The following CDC7 variants were observed in gnomAD, a reference collection of about 807,000 sequenced individuals.
The protein encoded by CDC7 is cell division cycle 7, also known as cell division cycle 7-related protein kinase.
Under a neutral mutation model 53.5 loss-of-function variants are expected in CDC7, and 34 were observed. The ratio of observed to expected loss-of-function variants is 0.64; its 90% CI spans 0.48 to 0.85. The LOEUF is 0.85. Among genes scored for constraint, CDC7 ranks in the 40% least tolerant of loss-of-function variants. The pLI is 0.00. For missense variants in CDC7, 594 were observed against 679.7 expected, an observed-to-expected ratio of 0.87 and a Z score of 1.40; for synonymous variants, 211 against 222.8, an observed-to-expected ratio of 0.95 and a Z score of 0.47.
chr1:91,501,059 C>G (rs1223142871), intron 1 of CDC7, 111 bp downstream of exon 1: 2 of 152,252 alleles, frequency 1.3e-5, no homozygotes, highest in African/African-American at 4.8e-5. Context: ...CGCCCCCCTT[C>G]GGATCCCTCC....
chr1:91,503,876 T>C (rs551413862), intron 2 of CDC7, among the ~76,000 whole-genome samples: 20 of 152,138 alleles, frequency 1.3e-4, no homozygotes, highest in Non-Finnish European at 2.5e-4. Flanking sequence ...TGGGATCTTA[T>C]TTCTGATCTC....
intron 10 of CDC7, among the ~76,000 whole-genome samples, chr1:91,516,130 G>T (rs1367920820): frequency 6.6e-6 from 1 of 151,040 alleles, no homozygotes; most frequent in Non-Finnish European, 1.5e-5. Flanking sequence ...TTATTTACAA[G>T]ATGATCTTAC....
At chr1:91,514,088 C>A in intron 8 of CDC7, 45 bp downstream of exon 8, 1 of 1,262,832 alleles carries the variant, frequency 7.9e-7, no homozygotes, top group Non-Finnish European at 1.1e-6. Flanking sequence ...CAGTCATACA[C>A]TGAAGAGAAT....
chr1:91,517,922 C>G (rs13447528), intron 10 of CDC7, among the ~76,000 whole-genome samples: 3,167 of 151,646 alleles, frequency 0.021, 43 homozygotes, highest in Non-Finnish European at 0.032. Flanking sequence ...ATGGCGAAAT[C>G]CCGTCTCTAC....
chr1:91,520,259 T>G lies in CDC7; in HGVS notation c.1310T>G (p.Ile437Ser). 6.2e-7 allele frequency: 1 copy of G among 1,601,372 alleles called. No individual in the cohort carries two copies. The highest frequency in any genetic ancestry group is 8.5e-7 in the Non-Finnish European group (1 of 1,175,272). Residue 437 changes from isoleucine to serine, a missense_variant, in exon 11 of 12, where the codon ATC becomes AGC. Ile to Ser is a moderately radical substitution (Grantham distance 142). Coordinates refer to ENST00000234626, the MANE Select transcript of CDC7 (RefSeq NM_003503.4). ...ACAATTAGGGGATCCAGAGAAACTA[T>G]CCAAGCTGCTAAAACTTTTGGTAAG... ...IMTIRGSRET[I>S]QAAKTFGKSI...
intron 11 of CDC7, among the ~76,000 whole-genome samples, chr1:91,521,022 A>C (rs752674448): frequency 6.6e-6 from 1 of 152,186 alleles, no homozygotes; most frequent in South Asian, 2.1e-4. Flanking sequence ...GCTCAGTTAT[A>C]GTTAATACTT....
chr1:91,524,110 G>T lies in CDC7; in HGVS notation c.1400G>T (p.Gly467Val). 6.2e-7 allele frequency: 1 copy of T among 1,613,730 alleles called. No individual in the cohort carries two copies. Among genetic ancestry groups the T allele is most frequent in the Non-Finnish European group, 8.5e-7 (1 of 1,179,728 alleles). Residue 467 changes from glycine (G) to valine (V), a missense_variant, in exon 12 of 12, where the codon GGT (glycine) becomes GTT (valine). Transcript: ENST00000234626. ...AGAAAACTCTGTGAGAGACTCAGGGGTATGGATTCTAGCACTCCCAAGTTA... is the reference window on the plus strand; with the variant it reads ...AGAAAACTCTGTGAGAGACTCAGGGTTATGGATTCTAGCACTCCCAAGTTA... ...DLRKLCERLRGMDSSTPKLTS... is the reference protein window; with the variant it reads ...DLRKLCERLRVMDSSTPKLTS...
intron 8 of CDC7, 107 bp downstream of exon 8, chr1:91,514,150 GTTTGGC>G: frequency 1.5e-6 from 1 of 657,524 alleles, no homozygotes; most frequent in Non-Finnish European, 2.5e-6. Context: ...TTAAACTAGA[GTTTGGC>G]TTTGGCAGAA....
intron 2 of CDC7, among the ~76,000 whole-genome samples, chr1:91,505,513 A>C (rs1373736529): frequency 6.6e-6 from 1 of 152,244 alleles, no homozygotes; most frequent in Non-Finnish European, 1.5e-5. Context: ...TATATTATGC[A>C]GCAGAAAACA....
At chr1:91,520,730 G>C (rs1553149686) in intron 11 of CDC7, among the ~76,000 whole-genome samples, 1 of 152,206 alleles carries the variant, frequency 6.6e-6, no homozygotes, top group Non-Finnish European at 1.5e-5. Context: ...CAAGTAAACA[G>C]TTAATTATTA....
At position 91,523,356 on chromosome 1, in the gene CDC7, C is replaced by G. The variant is rs13447552; in HGVS notation, c.1331-685C>G. ...TGAACAGTTGTTGAAAAGAATAATGCCTTTTTGTCTAGTCCAACAGACATT... is the reference window on the plus strand; with the variant it reads ...TGAACAGTTGTTGAAAAGAATAATGGCTTTTTGTCTAGTCCAACAGACATT... On this transcript the variant is annotated intron_variant, in intron 11 of 11. Transcript: ENST00000234626. 1.1e-3 allele frequency among the ~76,000 whole-genome samples: 169 copies of G among 152,250 alleles called. 1 individual carries two copies. The highest frequency in any genetic ancestry group is 3.6e-3 in the African/African-American group (151 of 41,546).
At chr1:91,509,107 A>G (rs1232510656) in intron 4 of CDC7, among the ~76,000 whole-genome samples, 4 of 151,708 alleles carry the variant, frequency 2.6e-5, no homozygotes, top group Non-Finnish European at 4.4e-5. Flanking sequence ...TTGGCCTTTC[A>G]TTTTCAGTGT....
At chr1:91,518,200 GA>G (rs777555503) in intron 10 of CDC7, among the ~76,000 whole-genome samples, 179 of 123,978 alleles carry the variant, frequency 1.4e-3, no homozygotes, top group East Asian at 2.7e-3. Flanking sequence ...TCAACTTTAA[GA>G]AAAAAAAAAA....
At position 91,524,537 on chromosome 1, in the gene CDC7, A is replaced by G; in HGVS notation, c.*102A>G. The G allele has an allele frequency of 1.1e-6, 1 of 884,866 alleles. No individual in the cohort carries two copies. Among genetic ancestry groups the G allele is most frequent in the Non-Finnish European group, 1.7e-6 (1 of 585,496 alleles). The allele number at this position is 884,866 out of a possible 1,614,324, so 54.8% of individuals were successfully genotyped here. ...TTTAGAGACCAGAGCAGGATTAATA[A>G]TTTATTTTAACATTTTAGTGTTTGG... On this transcript the variant is annotated 3_prime_UTR_variant, in exon 12 of 12. Transcript: ENST00000234626.
chr1:91,508,902 T>C (rs13447494), intron 4 of CDC7, among the ~76,000 whole-genome samples: 5,794 of 152,264 alleles, frequency 0.038, 129 homozygotes, highest in African/African-American at 0.048. Flanking sequence ...GCCAGACTTC[T>C]CAAAAATTAT....
chr1:91,505,181 C>T (rs2102328404), intron 2 of CDC7, among the ~76,000 whole-genome samples: 1 of 151,684 alleles, frequency 6.6e-6, no homozygotes, highest in South Asian at 2.1e-4. Context: ...GTACAAAGAC[C>T]CTGAAACGGC....
chr1:91,508,524 T>C, intron 4 of CDC7, 127 bp downstream of exon 4: 1 of 682,070 alleles, frequency 1.5e-6, no homozygotes, highest in Non-Finnish European at 2.4e-6. Context: ...GTTTGCAATT[T>C]GCTAGCACTT....
intron 2 of CDC7, among the ~76,000 whole-genome samples, chr1:91,504,458 A>G (rs13447472): frequency 0.012 from 1,818 of 152,134 alleles, 15 homozygotes; most frequent in South Asian, 0.038. Flanking sequence ...AAGTTTTAAT[A>G]AGTGAGAAAG....
Position 91,523,894 on chromosome 1 carries a change from C to CTGTGTGTGTGTGTGTGTG in CDC7, c.1331-133_1331-116dup, listed in dbSNP as rs56282166. The CTGTGTGTGTGTGTGTGTG allele has an allele frequency of 1.3e-5, 7 of 556,674 alleles. No homozygotes were observed. The East Asian group carries it at 2.0e-4, about 16-fold the overall frequency. The allele number at this position is 556,674 out of a possible 1,614,324, so 34.5% of individuals were successfully genotyped here. On this transcript the variant is annotated intron_variant, in intron 11 of 11. Transcript: ENST00000234626. ...ATAGCATGTGGTGCTCTATCTCATA[C>CTGTGTGTGTGTGTGTGTG]TGTGTGTGTGTGTGTGTGTGTGTGT...
Sources: gnomAD v4.1 joint callset for allele counts (sites outside exome capture counted in the v4.1 genomes callset) on GRCh38, gnomAD v4.1.1 for gene constraint, MANE v1.5 for transcripts, NCBI Gene and HGNC (gene_info 2026-07-23, HGNC 2026-07-21) for gene names.